The following ZNF521 variants were observed in gnomAD, a reference collection of about 807,000 sequenced individuals.
ZNF521 encodes zinc finger protein 521.
Under a neutral mutation model 105.5 loss-of-function variants are expected in ZNF521, and 14 were observed. The ratio of observed to expected loss-of-function variants is 0.13; its 90% confidence interval spans 0.09 to 0.21. ZNF521 has a LOEUF of 0.21. Ranked by LOEUF, ZNF521 falls within the 10% of genes least tolerant of loss-of-function variation. ZNF521 has a pLI of 1.00. For missense variants in ZNF521, 1,233 were observed against 1,629.7 expected (o/e 0.76, Z 4.19); for synonymous variants, 635 against 606.0 (o/e 1.05, Z -0.70).
intron 2 of ZNF521, among the ~76,000 whole-genome samples, chr18:25,345,541 G>C (rs1259130557): frequency 6.6e-6 from 1 of 152,086 alleles, no homozygotes; most frequent in Non-Finnish European, 1.5e-5. Flanking sequence ...TGTTTTTAAG[G>C]CCAAGTGGAA....
chr18:25,119,050 C>T (rs955837746), intron 5 of ZNF521, among the ~76,000 whole-genome samples: 3 of 151,946 alleles, frequency 2.0e-5, no homozygotes, highest in African/African-American at 7.2e-5. Context: ...AAGCCAACTG[C>T]TCTGGAAAAT....
At chr18:25,190,748 A>G (rs535460440) in intron 5 of ZNF521, among the ~76,000 whole-genome samples, 2 of 152,346 alleles carry the variant, frequency 1.3e-5, no homozygotes, top group Non-Finnish European at 2.9e-5. Flanking sequence ...AGAACAGACT[A>G]AAATTTCACC....
chr18:25,079,072 A>G (rs893843998), intron 7 of ZNF521, among the ~76,000 whole-genome samples: 2 of 152,182 alleles, frequency 1.3e-5, no homozygotes, highest in East Asian at 3.9e-4. Flanking sequence ...CAGGGGTTTG[A>G]TCATTTTGAA....
At chr18:25,080,179 C>A (rs1714322036) in intron 7 of ZNF521, among the ~76,000 whole-genome samples, 1 of 152,130 alleles carries the variant, frequency 6.6e-6, no homozygotes, top group African/African-American at 2.4e-5. Flanking sequence ...CAGTTCCTGG[C>A]CAGTTAGTTT....
chr18:25,285,514 A>G (rs1910647041), intron 3 of ZNF521, among the ~76,000 whole-genome samples: 1 of 152,174 alleles, frequency 6.6e-6, no homozygotes, highest in Admixed American at 6.5e-5. Flanking sequence ...ACATCAGTTT[A>G]CCCTTCATCT....
At chr18:25,266,623 C>T (rs1032928633) in intron 3 of ZNF521, among the ~76,000 whole-genome samples, 4 of 152,190 alleles carry the variant, frequency 2.6e-5, no homozygotes, top group African/African-American at 9.6e-5. Context: ...GGTGGGGTGT[C>T]GCCTCACTGA....
intron 5 of ZNF521, among the ~76,000 whole-genome samples, chr18:25,153,199 T>C (rs1036100577): frequency 1.3e-5 from 2 of 152,190 alleles, no homozygotes; most frequent in Admixed American, 6.5e-5. Context: ...AACTTTCAAG[T>C]TGCATATAAT....
chr18:25,303,271 CGTGTGT>C (rs756904913), intron 3 of ZNF521, among the ~76,000 whole-genome samples: 13 of 132,688 alleles, frequency 9.8e-5, no homozygotes, highest in South Asian at 2.4e-4. Flanking sequence ...TTCTTTCTTT[CGTGTGT>C]GTGTGTGTGT....
chr18:25,343,768 C>T lies in ZNF521; in HGVS notation c.40+7139G>A, dbSNP rs181147324. ...TTTTCAGGATTTTTCAAAGCATTTACTATCCCATAGAATTAAAAGAGATGC... is the reference window on the plus strand; with the variant it reads ...TTTTCAGGATTTTTCAAAGCATTTATTATCCCATAGAATTAAAAGAGATGC... On this transcript the variant is annotated intron_variant, in intron 2 of 7. Coordinates refer to ENST00000361524, the MANE Select transcript of ZNF521 (RefSeq NM_015461.3). 2.5e-3 allele frequency among the ~76,000 whole-genome samples: 374 copies of T among 152,148 alleles called. 6 individuals are homozygous for T. Among genetic ancestry groups the T allele is most frequent in the Non-Finnish European group, 8.1e-4 (55 of 68,000 alleles).
intron 5 of ZNF521, among the ~76,000 whole-genome samples, chr18:25,134,946 A>G (rs1158194900): frequency 1.3e-5 from 2 of 152,272 alleles, no homozygotes; most frequent in African/African-American, 2.4e-5. Context: ...CTAAGCTGCC[A>G]CAAACACACC....
chr18:25,121,159 T>A (rs2034433988), intron 5 of ZNF521, among the ~76,000 whole-genome samples: 1 of 136,122 alleles, frequency 7.3e-6, no homozygotes, highest in Non-Finnish European at 1.5e-5. Flanking sequence ...TCTCCCAGGC[T>A]GGAGTGCAGT....
At chr18:25,344,423 A>G (rs1914369652) in intron 2 of ZNF521, among the ~76,000 whole-genome samples, 1 of 152,346 alleles carries the variant, frequency 6.6e-6, no homozygotes, top group Non-Finnish European at 1.5e-5. Flanking sequence ...CATATTTTAA[A>G]TCAGACAAGT....
intron 3 of ZNF521, among the ~76,000 whole-genome samples, chr18:25,303,309 T>TGTGTGTGA (rs1305017795): frequency 3.9e-5 from 5 of 128,404 alleles, no homozygotes; most frequent in South Asian, 2.4e-4. Context: ...TGTGTGTGTG[T>TGTGTGTGA]GAGAGAGAGA....
intron 5 of ZNF521, among the ~76,000 whole-genome samples, chr18:25,179,089 A>G (rs1409117668): frequency 9.9e-6 from 1 of 101,326 alleles, no homozygotes; most frequent in Non-Finnish European, 2.2e-5. Context: ...TGTATTTCTT[A>G]TGACTTATAC....
At chr18:25,139,095 G>C (rs1391729922) in intron 5 of ZNF521, among the ~76,000 whole-genome samples, 1 of 152,248 alleles carries the variant, frequency 6.6e-6, no homozygotes, top group Admixed American at 6.5e-5. Context: ...AAGACGCTGG[G>C]CACGGTGGCT....
Position 25,100,269 on chromosome 18 carries a change from C to T in ZNF521, c.3659-8188G>A, listed in dbSNP as rs115401221. ...CAAACACAAGAAATTGAGTGAGGTT[C>T]AACAGCTTCTGCAAATGTTATGGTC... is the stretch of plus-strand genomic sequence containing the variant. On this transcript the variant is annotated intron_variant, in intron 5 of 7. Transcript: ENST00000361524. 4.8e-3 allele frequency among the ~76,000 whole-genome samples: 735 copies of T among 152,200 alleles called. 6 individuals carry two copies. The highest frequency in any genetic ancestry group is 0.017 in the African/African-American group (695 of 41,536).
At chr18:25,079,601 AAGAGAG>A (rs34772670) in intron 7 of ZNF521, among the ~76,000 whole-genome samples, 3,054 of 148,076 alleles carry the variant, frequency 0.021, 102 homozygotes, top group African/African-American at 0.068. Flanking sequence ...AGGAAAAAGT[AAGAGAG>A]AGAGAGAGAG....
rs1231920648 is a variant in ZNF521, at chr18:25,219,867, C to T, written c.3573+4478G>A. Among the ~76,000 whole-genome samples, 4 of 152,080 alleles carry T rather than the reference C, an allele frequency of 2.6e-5. No homozygotes were observed. The South Asian group carries it at 8.3e-4, about 32-fold the overall frequency. Reference sequence around the variant, plus strand: ...AAAATTAGCTTCATTGAGGTGTAATCCCCATAAAAATAATAAACCAATTTT... The same window carrying T: ...AAAATTAGCTTCATTGAGGTGTAATTCCCATAAAAATAATAAACCAATTTT... On this transcript the variant is annotated intron_variant, in intron 4 of 7. Transcript: ENST00000361524.
At chr18:25,348,382 C>T (rs184909799) in intron 2 of ZNF521, among the ~76,000 whole-genome samples, 3 of 152,160 alleles carry the variant, frequency 2.0e-5, no homozygotes, top group South Asian at 4.1e-4. Context: ...ACCCAGAATG[C>T]CCTTCCTCTT....
Sources: allele counts gnomAD v4.1 joint callset (sites outside exome capture counted in the v4.1 genomes callset), GRCh38; gene constraint gnomAD v4.1.1; transcripts MANE v1.5; gene names NCBI Gene and HGNC (gene_info 2026-07-23, HGNC 2026-07-21).